The following AMPH variants were observed in gnomAD, a reference collection of about 807,000 sequenced individuals.
AMPH encodes the protein amphiphysin (Stiff-Mann syndrome with breast cancer 128kD autoantigen).
In AMPH, 49 loss-of-function variants were observed where a neutral mutation model predicts 99.1. The ratio of observed to expected loss-of-function variants is 0.49; its 90% CI spans 0.39 to 0.63. AMPH has a LOEUF of 0.63. Among genes scored for constraint, AMPH ranks in the 20% least tolerant of loss-of-function variants. The pLI is 0.00. For synonymous variants in AMPH, 314 were observed against 317.3 expected, an observed-to-expected ratio of 0.99 and a Z score of 0.11; for missense variants, 759 against 863.4, an observed-to-expected ratio of 0.88 and a Z score of 1.52.
chr7:38,504,532 A>T (rs1789256728), intron 2 of AMPH, among the ~76,000 whole-genome samples: 1 of 152,176 alleles, frequency 6.6e-6, no homozygotes, highest in African/African-American at 2.4e-5. Flanking sequence ...CAAGCAAGTT[A>T]CCACTGTGGG....
chr7:38,418,013 A>G (rs1423728598), intron 16 of AMPH, 63 bp from the exon 17 acceptor site: 1 of 1,548,698 alleles, frequency 6.5e-7, no homozygotes, highest in Non-Finnish European at 8.8e-7. Context: ...ATAACATTAC[A>G]GAATACTGGA....
chr7:38,584,752 C>T (rs60899522), intron 1 of AMPH, among the ~76,000 whole-genome samples: 42,873 of 152,120 alleles, frequency 0.28, 6,451 homozygotes, highest in Non-Finnish European at 0.34. Flanking sequence ...CTGCACTCTC[C>T]GGGGCACACG....
At chr7:38,502,447 C>A (rs112873943) in intron 3 of AMPH, among the ~76,000 whole-genome samples, 1 of 152,148 alleles carries the variant, frequency 6.6e-6, no homozygotes, top group African/African-American at 2.4e-5. Flanking sequence ...AGTGGCCAAC[C>A]GAGAGATTAA....
intron 3 of AMPH, 142 bp from the exon 4 acceptor site, chr7:38,494,669 G>C: frequency 1.5e-6 from 1 of 661,810 alleles, no homozygotes; most frequent in Non-Finnish European, 2.7e-6. Context: ...ACTGCTGCTT[G>C]TATCTGCTGT....
In AMPH at chr7:38,409,386, T is replaced by G. The variant is rs140198128; in HGVS notation, c.1398+8439A>C. Among the ~76,000 whole-genome samples the G allele has an allele frequency of 1.7e-3, 265 of 152,258 alleles. 1 individual carries two copies. The highest frequency in any genetic ancestry group is 6.2e-3 in the African/African-American group (258 of 41,552). On this transcript the variant is annotated intron_variant, in intron 17 of 20. Transcript: ENST00000356264. ...TCCAGATCCTCATTATGGCCCCAAATAGAAGATGATTGGACTATGGCACAG... is the reference window on the plus strand; with the variant it reads ...TCCAGATCCTCATTATGGCCCCAAAGAGAAGATGATTGGACTATGGCACAG...
At chr7:38,576,578 T>C (rs528693147) in intron 1 of AMPH, among the ~76,000 whole-genome samples, 10 of 152,288 alleles carry the variant, frequency 6.6e-5, no homozygotes, top group African/African-American at 2.4e-4. Context: ...GTGAATTAGA[T>C]GGCCAGATAA....
At chr7:38,555,493 G>C (rs1010309320) in intron 1 of AMPH, among the ~76,000 whole-genome samples, 3 of 152,230 alleles carry the variant, frequency 2.0e-5, no homozygotes, top group East Asian at 3.9e-4. Flanking sequence ...ACCTGCAAGG[G>C]CTGGCCTTGA....
chr7:38,514,720 A>G (rs1035163239), intron 2 of AMPH, among the ~76,000 whole-genome samples: 2 of 152,158 alleles, frequency 1.3e-5, no homozygotes, highest in Non-Finnish European at 2.9e-5. Flanking sequence ...CCAATGTCTG[A>G]GCAGATGCTG....
intron 9 of AMPH, chr7:38,464,126 A>G: frequency 1.6e-6 from 2 of 1,289,752 alleles, no homozygotes; most frequent in Non-Finnish European, 2.0e-6. Flanking sequence ...AAAAAGTGAA[A>G]GGAACATTCA....
chr7:38,408,112 C>G (rs1387834892), intron 17 of AMPH, among the ~76,000 whole-genome samples: 1 of 152,166 alleles, frequency 6.6e-6, no homozygotes, highest in Non-Finnish European at 1.5e-5. Flanking sequence ...AGGACTGAAA[C>G]AGTTTGTCTA....
At chr7:38,412,473 A>G (rs933514251) in intron 17 of AMPH, among the ~76,000 whole-genome samples, 2 of 152,244 alleles carry the variant, frequency 1.3e-5, no homozygotes, top group African/African-American at 4.8e-5. Context: ...AGATGCCGCT[A>G]CTAGCAGTTG....
intron 1 of AMPH, among the ~76,000 whole-genome samples, chr7:38,630,129 C>T (rs1407916221): frequency 6.6e-6 from 1 of 152,182 alleles, no homozygotes; most frequent in Non-Finnish European, 1.5e-5. Flanking sequence ...GCAAATCTGA[C>T]TTCCAGTAAA....
At chr7:38,578,458 T>C (rs1286078161) in intron 1 of AMPH, among the ~76,000 whole-genome samples, 1 of 152,212 alleles carries the variant, frequency 6.6e-6, no homozygotes, top group Non-Finnish European at 1.5e-5. Context: ...TTTTAAATAT[T>C]GCATCATTTA....
At chr7:38,465,677 G>T in intron 8 of AMPH, 128 bp from the exon 9 acceptor site, 1 of 769,832 alleles carries the variant, frequency 1.3e-6, no homozygotes, top group Non-Finnish European at 2.1e-6. Flanking sequence ...ATGGCCTCAG[G>T]ATAACTGAAA....
In AMPH at chr7:38,440,079, T is replaced by A. The variant is rs571173152; in HGVS notation, c.1018-3691A>T. On this transcript the variant is annotated intron_variant, in intron 11 of 20. Transcript: ENST00000356264. ...TCACCGTGAAAAGTAGAGCCTTGCA[T>A]AGCTGCTAGTCCAAAAAGAATGAGA... Among the ~76,000 whole-genome samples, 100 of 152,314 alleles carry A rather than the reference T, an allele frequency of 6.6e-4. No individual in the cohort carries two copies. The Middle Eastern group carries it at 0.024, about 36-fold the overall frequency.
At chr7:38,625,342 C>T (rs1794208054) in intron 1 of AMPH, among the ~76,000 whole-genome samples, 1 of 152,062 alleles carries the variant, frequency 6.6e-6, no homozygotes, top group African/African-American at 2.4e-5. Flanking sequence ...AAACATTTGA[C>T]ATATCTGATG....
intron 1 of AMPH, among the ~76,000 whole-genome samples, chr7:38,615,820 C>T (rs1793853270): frequency 6.6e-6 from 1 of 152,164 alleles, no homozygotes; most frequent in Non-Finnish European, 1.5e-5. Context: ...AGGTTAGCTA[C>T]TGTAGCAGTG....
At chr7:38,451,284 TACAC>T (rs1480079290) in intron 11 of AMPH, among the ~76,000 whole-genome samples, 1 of 136,912 alleles carries the variant, frequency 7.3e-6, no homozygotes, top group Admixed American at 7.6e-5. Flanking sequence ...CATGTATATA[TACAC>T]ATGCACACAT....
At chr7:38,560,576 A>G (rs6967370) in intron 1 of AMPH, among the ~76,000 whole-genome samples, 128,725 of 152,240 alleles carry the variant, frequency 0.85, 54,570 homozygotes, top group East Asian at 0.96. Flanking sequence ...AGCACAACGT[A>G]ACTTGGGCCA....
Sources: gnomAD v4.1 joint callset for allele counts (sites outside exome capture counted in the v4.1 genomes callset) on GRCh38, gnomAD v4.1.1 for gene constraint, MANE v1.5 for transcripts, NCBI Gene and HGNC (gene_info 2026-07-23, HGNC 2026-07-21) for gene names.